The following CASP2 variants were observed in gnomAD, a reference collection of about 807,000 sequenced individuals.
CASP2 encodes caspase 2, also known as caspase-2.
A neutral mutation model predicts 54.4 loss-of-function variants in CASP2; 38 were observed. The ratio of observed to expected loss-of-function variants is 0.70; its 90% CI spans 0.54 to 0.92. The LOEUF (loss-of-function observed/expected upper bound fraction) is 0.92, where lower values mean the gene tolerates loss of function less well. Ranked by LOEUF, CASP2 falls within the 40% of genes least tolerant of loss-of-function variation. CASP2 has a pLI of 0.00. For missense variants in CASP2, 512 were observed against 579.6 expected (o/e 0.88, Z 1.20); for synonymous variants, 215 against 216.3 (o/e 0.99, Z 0.05).
At position 143,299,964 on chromosome 7, in the gene CASP2, A is replaced by C. The variant is rs1227976371; in HGVS notation, c.789A>C (p.Ala263=). The C allele has an allele frequency of 6.2e-7, 1 of 1,614,070 alleles. No homozygotes were observed. Among genetic ancestry groups the C allele is most frequent in the Non-Finnish European group, 8.5e-7 (1 of 1,180,040 alleles). Residue 263 remains alanine, a synonymous_variant, in exon 7 of 11, where the codon GCA becomes GCC. Coordinates refer to ENST00000310447, the MANE Select transcript of CASP2 (RefSeq NM_032982.4). The part of the protein sequence containing the change: ...EKLQNFAQLP[A]HRVTDSCIVA... Reference sequence around the variant, plus strand: ...TGCAGAATTTTGCACAGTTACCTGCACACCGAGTCACGGACTCCTGCATCG... The same window carrying C: ...TGCAGAATTTTGCACAGTTACCTGCCCACCGAGTCACGGACTCCTGCATCG...
At chr7:143,303,978 C>T in intron 9 of CASP2, 45 bp downstream of exon 9, 1 of 1,533,436 alleles carries the variant, frequency 6.5e-7, no homozygotes, top group Non-Finnish European at 8.8e-7. Flanking sequence ...CATTTTGTTG[C>T]ACTTTGCTTT....
Position 143,300,212 on chromosome 7 carries a change from G to A in CASP2, c.885G>A (p.Glu295=), listed in dbSNP as rs764560560. ...TTCTTTCTTTCTGGCAGCTCCAAGA[G>A]GTTTTTCAGCTCTTTGACAACGCCA... ...GVDGKLLQLQ[E]VFQLFDNANC... Residue 295 remains glutamate (E), a synonymous_variant, in exon 8 of 11, where the codon GAG becomes GAA. Transcript: ENST00000310447. The A allele has an allele frequency of 3.7e-6, 6 of 1,614,028 alleles. No individual in the cohort carries two copies. The South Asian group carries it at 6.6e-5, about 18-fold the overall frequency.
intron 6 of CASP2, among the ~76,000 whole-genome samples, chr7:143,296,616 T>C (rs1303996601): frequency 1.3e-5 from 2 of 152,026 alleles, no homozygotes; most frequent in African/African-American, 4.8e-5. Flanking sequence ...GTAGTTGCAA[T>C]GGGTGTCATA....
intron 4 of CASP2, among the ~76,000 whole-genome samples, chr7:143,293,606 TTCA>T (rs1216716532): frequency 9.9e-5 from 15 of 151,454 alleles, no homozygotes; most frequent in African/African-American, 3.4e-4. Flanking sequence ...GCCTCCTGGG[TTCA>T]AGTGATTCTC....
chr7:143,292,204 T>G lies in CASP2; in HGVS notation c.226-96T>G, dbSNP rs566718329. ...ACATACACTTTTCCTGTAAAAAGAA[T>G]TCTTGGATGAGGACACTACTAGGAA... On this transcript the variant is annotated intron_variant, in intron 2 of 10. Transcript: ENST00000310447. The G allele has an allele frequency of 1.5e-4, 195 of 1,259,386 alleles. 1 individual carries two copies. In the African/African-American group the frequency reaches 2.3e-3, roughly 15 times the overall value. 78.0% of individuals were successfully genotyped at this position (1,259,386 alleles called of 1,614,324 possible). A position where few individuals can be genotyped will look rare whatever the true frequency, so the allele number is the denominator to read the frequency against.
chr7:143,295,551 G>C (rs966401392), intron 6 of CASP2, among the ~76,000 whole-genome samples: 3 of 152,194 alleles, frequency 2.0e-5, no homozygotes, highest in Non-Finnish European at 2.9e-5. Context: ...CAGAATAGTA[G>C]AACTTTCTTC....
Position 143,291,551 on chromosome 7 carries a change from T to A in CASP2, c.86T>A (p.Val29Glu), listed in dbSNP as rs761480470. Residue 29 changes from valine to glutamate, a missense_variant, in exon 2 of 11, where the codon GTG (valine) becomes GAG (glutamate). By Grantham distance (121) the Val-to-Glu change is moderately radical (BLOSUM62 -2). Around this residue, in one of 3 missense-constraint regions of CASP2, gnomAD observed 89 missense variants for 67.1 expected, o/e 1.33. Transcript: ENST00000310447. ...CCGTTTATCTGTAGGATATTGGGAGTGTGTGGCATGCATCCTCATCATCAG... is the reference window on the plus strand; with the variant it reads ...CCGTTTATCTGTAGGATATTGGGAGAGTGTGGCATGCATCCTCATCATCAG... ...AADRGRRILG[V>E]CGMHPHHQET... is the part of the protein sequence containing the mutation. 116 of 1,613,874 alleles carry A rather than the reference T, an allele frequency of 7.2e-5. No homozygotes were observed. In the Admixed American group the frequency reaches 1.8e-3, roughly 25 times the overall value.
chr7:143,292,930 G>A (rs903821141), intron 4 of CASP2, among the ~76,000 whole-genome samples: 1 of 152,082 alleles, frequency 6.6e-6, no homozygotes, highest in Non-Finnish European at 1.5e-5. Context: ...AGAATTGCTA[G>A]AACCCAGGAG....
rs538297446 is a variant in CASP2, at chr7:143,293,181, G to A, written c.475+483G>A. On this transcript the variant is annotated intron_variant, in intron 4 of 10. Coordinates refer to ENST00000310447, the MANE Select transcript of CASP2 (RefSeq NM_032982.4). ...CTTGTTCTGTCACCCAGGCTGGAAT[G>A]CAGTGACACCACCATAGCTCACTGC... is the stretch of plus-strand genomic sequence containing the variant. 2.2e-5 allele frequency: 14 copies of A among 640,234 alleles called. No homozygotes were observed. The South Asian group carries it at 2.4e-4, about 11-fold the overall frequency. The allele number at this position is 640,234 out of a possible 1,614,324, so 39.7% of individuals were successfully genotyped here. A position where few individuals can be genotyped will look rare whatever the true frequency, so the allele number is the denominator to read the frequency against.
chr7:143,302,909 T>C (rs1261532759), intron 8 of CASP2: 3 of 152,194 alleles, frequency 2.0e-5, no homozygotes, highest in African/African-American at 7.2e-5. Flanking sequence ...ATAAGGATGA[T>C]CTTTTTAAAT....
intron 4 of CASP2, 23 bp downstream of exon 4, chr7:143,292,721 G>A (rs750251230): frequency 2.5e-6 from 4 of 1,594,414 alleles, no homozygotes; most frequent in Non-Finnish European, 2.6e-6. Context: ...GGACTAAAAG[G>A]GGTCCCAGGC....
rs552801299 is a variant in CASP2, at chr7:143,306,411, C to G, written c.*1340C>G. 1 of 151,482 alleles carries G rather than the reference C, an allele frequency of 6.6e-6. No homozygotes were observed. Among genetic ancestry groups the G allele is most frequent in the East Asian group, 1.9e-4 (1 of 5,170 alleles). The allele number at this position is 151,482 out of a possible 1,614,324, so 9.4% of individuals were successfully genotyped here. On this transcript the variant is annotated 3_prime_UTR_variant, in exon 11 of 11. Coordinates refer to ENST00000310447, the MANE Select transcript of CASP2 (RefSeq NM_032982.4). The stretch of plus-strand genomic sequence containing the variant: ...AGCTGGGACTACAGGTGCCCGCCAC[C>G]GTGCCCGGCTAATTTTTTTGTATTT...
chr7:143,302,813 A>AT (rs1801953417), intron 8 of CASP2: 1 of 152,272 alleles, frequency 6.6e-6, no homozygotes, highest in Non-Finnish European at 1.5e-5. Flanking sequence ...ATCATCAAAA[A>AT]TAAGAGTCTG....
chr7:143,291,418 A>T, intron 1 of CASP2, 122 bp from the exon 2 acceptor site: 1 of 944,920 alleles, frequency 1.1e-6, no homozygotes, highest in Non-Finnish European at 1.7e-6. Flanking sequence ...TTTAAGAAAT[A>T]TGCATAATCT....
rs777186983 is a variant in CASP2 at position 143,291,780 on chromosome 7, CTTTTT to C, written c.225+106_225+110del. ...TGGAAAGGGTGTCGTATCTTTCTTC[CTTTTT>C]TTTTTTTTTTTTTTTGAGACAGAGT... On this transcript the variant is annotated intron_variant, in intron 2 of 10. Transcript: ENST00000310447. 5.3e-3 allele frequency: 2,239 copies of C among 425,288 alleles called. 79 individuals carry two copies. The African/African-American group carries it at 0.071, about 13-fold the overall frequency. The allele number at this position is 425,288 out of a possible 1,614,324, so 26.3% of individuals were successfully genotyped here.
chr7:143,297,415 G>A (rs1801786740), intron 6 of CASP2, among the ~76,000 whole-genome samples: 1 of 152,050 alleles, frequency 6.6e-6, no homozygotes, highest in Non-Finnish European at 1.5e-5. Flanking sequence ...CAAAATGCTC[G>A]TGATTCGGTG....
intron 2 of CASP2, among the ~76,000 whole-genome samples, chr7:143,291,989 A>G (rs1801587238): frequency 6.6e-6 from 1 of 151,944 alleles, no homozygotes; most frequent in Admixed American, 6.6e-5. Flanking sequence ...TGTGTTAGCC[A>G]GGAGGGTGTC....
intron 6 of CASP2, among the ~76,000 whole-genome samples, chr7:143,295,412 T>G (rs1801714505): frequency 6.6e-6 from 1 of 152,222 alleles, no homozygotes; most frequent in Non-Finnish European, 1.5e-5. Flanking sequence ...GTAAACATTT[T>G]CATTATGGGC....
chr7:143,304,628 C>T (rs2116808871), intron 9 of CASP2, 46 bp from the exon 10 acceptor site: 1 of 1,390,888 alleles, frequency 7.2e-7, no homozygotes. Flanking sequence ...GGAAGTGCAG[C>T]TGTGTGATGG....
Sources: allele counts gnomAD v4.1 joint callset (sites outside exome capture counted in the v4.1 genomes callset), GRCh38; gene constraint gnomAD v4.1.1; regional missense constraint gnomAD v4.1.1; transcripts MANE v1.5; gene names NCBI Gene and HGNC (gene_info 2026-07-23, HGNC 2026-07-21).